Variants in RASSF2 observed in about 807,000 individuals in gnomAD.
RASSF2 encodes ras association domain-containing protein 2.
A neutral mutation model predicts 46.3 loss-of-function variants in RASSF2; 34 were observed. That is an observed-to-expected ratio of 0.73 (90% confidence interval 0.56 to 0.98). The LOEUF is 0.98. Among genes scored for constraint, RASSF2 ranks in the 50% least tolerant of loss-of-function variants. RASSF2 has a pLI of 0.00. For missense variants in RASSF2, 364 were observed against 431.2 expected (o/e 0.84, Z 1.38); for synonymous variants, 158 against 162.5 (o/e 0.97, Z 0.21).
rs1385627154 is a variant in RASSF2, at chr20:4,790,659, T to G, written c.377-48A>C. On this transcript the variant is annotated intron_variant, in intron 6 of 11. Transcript: ENST00000379400. The surrounding 1 kb of genome is among the most constrained non-coding windows in gnomAD (Gnocchi z 4.3). ...ACTCTGTCTGTCTGGACCTGGGACA[T>G]GGCACATGGTCCCCAATTTGTGGCC... The G allele has an allele frequency of 6.8e-7, 1 of 1,464,958 alleles. No individual in the cohort carries two copies. The highest frequency in any genetic ancestry group is 9.0e-7 in the Non-Finnish European group (1 of 1,108,490). The allele number at this position is 1,464,958 out of a possible 1,614,324, so 90.7% of individuals were successfully genotyped here.
At chr20:4,804,921 G>T (rs184553254) in intron 2 of RASSF2, among the ~76,000 whole-genome samples, 15 of 152,146 alleles carry the variant, frequency 9.9e-5, no homozygotes, top group African/African-American at 2.9e-4. Flanking sequence ...TGGGGTCCTG[G>T]GGGGCTTTCT....
chr20:4,817,520 G>T lies in RASSF2; in HGVS notation c.-33+4809C>A, dbSNP rs372333075. Among the ~76,000 whole-genome samples the T allele has an allele frequency of 5.4e-4, 82 of 152,238 alleles. 2 individuals carry two copies. In the South Asian group the frequency reaches 0.016, roughly 29 times the overall value. On this transcript the variant is annotated intron_variant, in intron 2 of 11. Transcript: ENST00000379400. Reference sequence around the variant, plus strand: ...TTAAACATTTACCAGGACGTCACTGGTCACAACCTAGGAATGCAAACCATG... The same window carrying T: ...TTAAACATTTACCAGGACGTCACTGTTCACAACCTAGGAATGCAAACCATG...
At chr20:4,792,481 T>A in intron 6 of RASSF2, 58 bp downstream of exon 6, 1 of 1,608,350 alleles carries the variant, frequency 6.2e-7, no homozygotes, top group Non-Finnish European at 8.5e-7. Flanking sequence ...ACAACATCTA[T>A]CACAGCGGTC....
intron 2 of RASSF2, among the ~76,000 whole-genome samples, chr20:4,805,316 G>A (rs565692532): frequency 6.6e-6 from 1 of 152,240 alleles, no homozygotes; most frequent in African/African-American, 2.4e-5. Flanking sequence ...AAGGCGACGT[G>A]ACAACTGCAG....
At chr20:4,787,887 T>C (rs1167995204) in intron 9 of RASSF2, 133 bp from the exon 10 acceptor site, 1 of 1,160,224 alleles carries the variant, frequency 8.6e-7, no homozygotes, top group Non-Finnish European at 1.2e-6. Flanking sequence ...AGTGAACTAT[T>C]CCATAGGTGT....
rs960172945 is a variant in RASSF2 at position 4,802,052 on chromosome 20, T to C, written c.-32-990A>G. ...ACCGCGCCCAGCAGCACTATTACCATTGGAGCTGGCCCATTCTTTTTTAAT... is the reference window on the plus strand; with the variant it reads ...ACCGCGCCCAGCAGCACTATTACCACTGGAGCTGGCCCATTCTTTTTTAAT... On this transcript the variant is annotated intron_variant, in intron 2 of 11. Coordinates refer to ENST00000379400, the MANE Select transcript of RASSF2 (RefSeq NM_014737.3). Among the ~76,000 whole-genome samples, 18 of 152,214 alleles carry C rather than the reference T, an allele frequency of 1.2e-4. No homozygotes were observed. The Middle Eastern group carries it at 0.014, about 115-fold the overall frequency.
intron 2 of RASSF2, among the ~76,000 whole-genome samples, chr20:4,811,810 T>C (rs1927843545): frequency 6.6e-6 from 1 of 152,042 alleles, no homozygotes; most frequent in African/African-American, 2.4e-5. Flanking sequence ...GGCCTGTAGC[T>C]TCCTCTTTTG....
intron 3 of RASSF2, among the ~76,000 whole-genome samples, chr20:4,798,388 A>G (rs1346506239): frequency 6.6e-6 from 1 of 152,188 alleles, no homozygotes; most frequent in African/African-American, 2.4e-5. Flanking sequence ...CTCAAGCTGA[A>G]TGAGCAGGTG....
rs1020645583 is a variant in RASSF2 at position 4,780,122 on chromosome 20, T to C, written c.*4151A>G. Reference sequence around the variant, plus strand: ...GTATGGCTCCCTTGCTGAGGCCCTGTCAGATTATGTTAGATGAGTAAACGC... The same window carrying C: ...GTATGGCTCCCTTGCTGAGGCCCTGCCAGATTATGTTAGATGAGTAAACGC... On this transcript the variant is annotated 3_prime_UTR_variant, in exon 12 of 12. Transcript: ENST00000379400. 2.6e-5 allele frequency: 4 copies of C among 152,418 alleles called. No individual in the cohort carries two copies. Among genetic ancestry groups the C allele is most frequent in the African/African-American group, 9.6e-5 (4 of 41,454 alleles). The allele number at this position is 152,418 out of a possible 1,614,324, so 9.4% of individuals were successfully genotyped here. A position where few individuals can be genotyped will look rare whatever the true frequency, so the allele number is the denominator to read the frequency against.
intron 2 of RASSF2, among the ~76,000 whole-genome samples, chr20:4,803,125 G>T (rs1030074655): frequency 6.6e-6 from 1 of 151,850 alleles, no homozygotes; most frequent in East Asian, 1.9e-4. Context: ...TGCCCAGGCC[G>T]GTCTTGAACT....
chr20:4,795,700 A>G lies in RASSF2; in HGVS notation c.287+115T>C. On this transcript the variant is annotated intron_variant, in intron 5 of 11. Transcript: ENST00000379400. The surrounding 1 kb of genome is among the most constrained non-coding windows in gnomAD (Gnocchi z 4.0). Reference sequence around the variant, plus strand: ...AAGGCAGGTGGGCAGTAGAGGTAGTAGGAGGAGGAGCCAGGGTCAGGGCTG... The same window carrying G: ...AAGGCAGGTGGGCAGTAGAGGTAGTGGGAGGAGGAGCCAGGGTCAGGGCTG... 7.7e-7 allele frequency: 1 copy of G among 1,292,666 alleles called. No homozygotes were observed. The allele number at this position is 1,292,666 out of a possible 1,614,324, so 80.1% of individuals were successfully genotyped here.
At position 4,792,722 on chromosome 20, in the gene RASSF2, AGC is replaced by A. The variant is rs1926007386; in HGVS notation, c.288-97_288-96del. On this transcript the variant is annotated intron_variant, in intron 5 of 11. Transcript: ENST00000379400. Reference sequence around the variant, plus strand: ...CGCTGGACCCCACTCCTGAAAGGGGAGCACTTTGCTAGTGCCAGGCTGGGTAC... The same window carrying A: ...CGCTGGACCCCACTCCTGAAAGGGGAACTTTGCTAGTGCCAGGCTGGGTAC... 3 of 1,495,942 alleles carry A rather than the reference AGC, an allele frequency of 2.0e-6. No individual in the cohort carries two copies. The South Asian group carries it at 4.0e-5, about 20-fold the overall frequency. 92.7% of individuals were successfully genotyped at this position (1,495,942 alleles called of 1,614,324 possible).
At chr20:4,816,161 T>C (rs1219068274) in intron 2 of RASSF2, among the ~76,000 whole-genome samples, 3 of 151,682 alleles carry the variant, frequency 2.0e-5, no homozygotes, top group South Asian at 2.1e-4. Flanking sequence ...ATTAGCTGAG[T>C]GTGGTGGCGT....
chr20:4,810,318 A>T (rs1927678772), intron 2 of RASSF2, among the ~76,000 whole-genome samples: 1 of 152,214 alleles, frequency 6.6e-6, no homozygotes, highest in Non-Finnish European at 1.5e-5. Context: ...GAACAAATGC[A>T]GGGCTGGCCA....
At position 4,800,855 on chromosome 20, in the gene RASSF2, G is replaced by A. The variant is rs542908831; in HGVS notation, c.59+117C>T. 5 of 831,686 alleles carry A rather than the reference G, an allele frequency of 6.0e-6. No individual in the cohort carries two copies. In the Admixed American group the frequency reaches 8.3e-5, roughly 14 times the overall value. The allele number at this position is 831,686 out of a possible 1,614,324, so 51.5% of individuals were successfully genotyped here. ...CTGCTTGGCTCCTTCCCCCATGCAG[G>A]AGCCCCACCAGTCTGATATACAGTG... On this transcript the variant is annotated intron_variant, in intron 3 of 11. Coordinates refer to ENST00000379400, the MANE Select transcript of RASSF2 (RefSeq NM_014737.3).
At chr20:4,803,469 G>A (rs926783040) in intron 2 of RASSF2, among the ~76,000 whole-genome samples, 3 of 152,096 alleles carry the variant, frequency 2.0e-5, no homozygotes, top group South Asian at 2.1e-4. Flanking sequence ...ATCAATTAGC[G>A]TTGGCCAGGC....
intron 2 of RASSF2, among the ~76,000 whole-genome samples, chr20:4,813,833 G>A (rs747766085): frequency 2.6e-5 from 4 of 152,206 alleles, no homozygotes; most frequent in Non-Finnish European, 4.4e-5. Context: ...GTGTATGGCT[G>A]TGTATGTGTG....
rs1803854 is a variant in RASSF2, at chr20:4,798,032, T to A, written c.113A>T (p.Asn38Ile). 6.2e-7 allele frequency: 1 copy of A among 1,613,992 alleles called. No homozygotes were observed. Among genetic ancestry groups the A allele is most frequent in the Non-Finnish European group, 8.5e-7 (1 of 1,179,932 alleles). The change falls in exon 4 of 12, where the codon AAT becomes ATT. Residue 38 changes from asparagine (N) to isoleucine (I), a missense_variant. Transcript: ENST00000379400. ...KTYNLYYEGQNLQLRHREEED... is the reference protein window; with the variant it reads ...KTYNLYYEGQILQLRHREEED... ...TACCTCCCGGTGCCGGAGCTGTAAA[T>A]TCTGGCCTTCATAGTACAAGTTGTA...
intron 2 of RASSF2, among the ~76,000 whole-genome samples, chr20:4,806,135 GA>G (rs1188468236): frequency 6.6e-6 from 1 of 152,198 alleles, no homozygotes; most frequent in Non-Finnish European, 1.5e-5. Flanking sequence ...CCTGGAGAAA[GA>G]GGAAAAACAG....
Sources: allele counts gnomAD v4.1 joint callset (sites outside exome capture counted in the v4.1 genomes callset), GRCh38; gene constraint gnomAD v4.1.1; non-coding constraint Gnocchi (gnomAD v3.1); transcripts MANE v1.5; gene names NCBI Gene and HGNC (gene_info 2026-07-23, HGNC 2026-07-21).